ASB3: variants seen among roughly 807,000 people sequenced by gnomAD.
ASB3 encodes ankyrin repeat and SOCS box protein 3.
In ASB3, 41 loss-of-function variants were observed where a neutral mutation model predicts 54.5. That is an observed-to-expected ratio of 0.75 (90% CI 0.59 to 0.98). ASB3 has a LOEUF of 0.98. Among genes scored for constraint, ASB3 ranks in the 50% least tolerant of loss-of-function variants. ASB3 has a pLI of 0.00. For synonymous variants in ASB3, 266 were observed against 221.2 expected (o/e 1.20, Z -1.80); for missense variants, 733 against 620.0 (o/e 1.18, Z -1.94).
chr2:53,687,011 C>A (rs1214933677), intron 9 of ASB3, among the ~76,000 whole-genome samples: 1 of 152,180 alleles, frequency 6.6e-6, no homozygotes, highest in Non-Finnish European at 1.5e-5. Flanking sequence ...TGAGCCATGG[C>A]GCCTGGCCAA....
At chr2:53,779,196 T>C (rs559154207) in intron 1 of ASB3, among the ~76,000 whole-genome samples, 47 of 152,362 alleles carry the variant, frequency 3.1e-4, no homozygotes, top group African/African-American at 1.1e-3. Context: ...TTGAGAAATG[T>C]CTATACAGGT....
intron 5 of ASB3, among the ~76,000 whole-genome samples, chr2:53,724,093 C>T (rs899946482): frequency 6.6e-6 from 1 of 152,076 alleles, no homozygotes; most frequent in Non-Finnish European, 1.5e-5. Context: ...GTAAGTGGGA[C>T]CTAATTAATC....
Position 53,670,322 on chromosome 2 carries a change from G to A in ASB3, c.*181C>T, listed in dbSNP as rs1399656940. The A allele has an allele frequency of 2.7e-5, 8 of 294,226 alleles. No individual in the cohort carries two copies. The highest frequency in any genetic ancestry group is 1.8e-4 in the African/African-American group (7 of 39,274). The allele number at this position is 294,226 out of a possible 1,614,324, so 18.2% of individuals were successfully genotyped here. On this transcript the variant is annotated 3_prime_UTR_variant, in exon 10 of 10. Coordinates refer to ENST00000263634, the MANE Select transcript of ASB3 (RefSeq NM_016115.5). Reference sequence around the variant, plus strand: ...TTTTTTTTTTTTTTTTTTTTTTACTGGGAAGGCTAGTTGTAAACATAAACA... The same window carrying A: ...TTTTTTTTTTTTTTTTTTTTTTACTAGGAAGGCTAGTTGTAAACATAAACA...
At chr2:53,776,134 A>G (rs991577954) in intron 1 of ASB3, among the ~76,000 whole-genome samples, 1 of 152,238 alleles carries the variant, frequency 6.6e-6, no homozygotes. Context: ...ACTAATAATT[A>G]GTACAGAAGT....
At chr2:53,749,086 AC>A (rs1672382112) in intron 3 of ASB3, among the ~76,000 whole-genome samples, 1 of 152,092 alleles carries the variant, frequency 6.6e-6, no homozygotes, top group Admixed American at 6.5e-5. Context: ...TATATAAGGA[AC>A]CCTTTGTACT....
chr2:53,703,335 C>T (rs1323684446), intron 7 of ASB3, among the ~76,000 whole-genome samples: 1 of 152,208 alleles, frequency 6.6e-6, no homozygotes, highest in African/African-American at 2.4e-5. Flanking sequence ...GTGGAGGAGA[C>T]ACCTTTCCAT....
intron 3 of ASB3, among the ~76,000 whole-genome samples, chr2:53,750,147 G>A (rs1453079793): frequency 6.6e-6 from 1 of 151,966 alleles, no homozygotes; most frequent in African/African-American, 2.4e-5. Context: ...TATTCCAAAC[G>A]CTTCATTGAC....
intron 2 of ASB3, 80 bp downstream of exon 2, chr2:53,765,297 A>C (rs1673376571): frequency 6.4e-7 from 1 of 1,558,228 alleles, no homozygotes; most frequent in African/African-American, 1.4e-5. Context: ...TACTACTGTT[A>C]ATAAGTTATG....
Position 53,671,353 on chromosome 2 carries a change from C to CGTGTGTGTGT in ASB3, c.1370-673_1370-664dup, listed in dbSNP as rs142473697. On this transcript the variant is annotated intron_variant, in intron 9 of 9. Coordinates refer to ENST00000263634, the MANE Select transcript of ASB3 (RefSeq NM_016115.5). The stretch of plus-strand genomic sequence containing the variant: ...AACTCAGATCTATCTGAACCCAAAG[C>CGTGTGTGTGT]GTGTGTGTGTGTGTGTGTGTGTGTG... 4.8e-3 allele frequency among the ~76,000 whole-genome samples: 690 copies of CGTGTGTGTGT among 142,582 alleles called. 5 individuals carry two copies. The highest frequency in any genetic ancestry group is 0.014 in the African/African-American group (549 of 38,536). 93.5% of individuals were successfully genotyped at this position (142,582 alleles called of 152,430 possible).
At chr2:53,691,552 C>CA (rs1668910924) in intron 9 of ASB3, among the ~76,000 whole-genome samples, 1 of 152,050 alleles carries the variant, frequency 6.6e-6, no homozygotes, top group East Asian at 1.9e-4. Flanking sequence ...AGAGGTTAAT[C>CA]AAAGAGTTGT....
chr2:53,689,273 G>C (rs997909884), intron 9 of ASB3, among the ~76,000 whole-genome samples: 4 of 152,072 alleles, frequency 2.6e-5, no homozygotes, highest in African/African-American at 9.7e-5. Flanking sequence ...ACCTGCACCA[G>C]AGCATTACCA....
Position 53,740,290 on chromosome 2 carries a change from C to G in ASB3, c.355+10493G>C, listed in dbSNP as rs368372041. 5.3e-5 allele frequency among the ~76,000 whole-genome samples: 8 copies of G among 152,152 alleles called. No homozygotes were observed. The East Asian group carries it at 7.7e-4, about 15-fold the overall frequency. On this transcript the variant is annotated intron_variant, in intron 3 of 9. Transcript: ENST00000263634. ...TATGTAAAACTTTTTTCCCCCACCT[C>G]TTTCATGAACCAAAAAAGGAACATT...
chr2:53,780,673 G>C (rs543390934), intron 1 of ASB3, among the ~76,000 whole-genome samples: 1 of 152,138 alleles, frequency 6.6e-6, no homozygotes, highest in African/African-American at 2.4e-5. Flanking sequence ...AGCCACTCTG[G>C]AGGATAAAGC....
At chr2:53,684,789 G>T (rs1255616040) in intron 9 of ASB3, among the ~76,000 whole-genome samples, 1 of 152,216 alleles carries the variant, frequency 6.6e-6, no homozygotes, top group Non-Finnish European at 1.5e-5. Context: ...TAAGTACCAG[G>T]TGTTAGGAAA....
chr2:53,747,076 A>G (rs1672266593), intron 3 of ASB3, among the ~76,000 whole-genome samples: 1 of 152,194 alleles, frequency 6.6e-6, no homozygotes, highest in Non-Finnish European at 1.5e-5. Flanking sequence ...AAAACTATGC[A>G]TCTCTAATTT....
intron 3 of ASB3, among the ~76,000 whole-genome samples, chr2:53,743,782 C>T (rs1672065921): frequency 6.6e-6 from 1 of 152,226 alleles, no homozygotes; most frequent in African/African-American, 2.4e-5. Context: ...GTGCCTCACT[C>T]CTGTAATCCC....
At chr2:53,676,365 A>G (rs973835444) in intron 9 of ASB3, among the ~76,000 whole-genome samples, 1 of 152,176 alleles carries the variant, frequency 6.6e-6, no homozygotes, top group Non-Finnish European at 1.5e-5. Context: ...AGCAGCCACC[A>G]CTCCTTCAAT....
intron 7 of ASB3, among the ~76,000 whole-genome samples, chr2:53,703,446 C>T (rs1669600063): frequency 6.6e-6 from 1 of 152,070 alleles, no homozygotes; most frequent in Non-Finnish European, 1.5e-5. Flanking sequence ...GTTGAATTAG[C>T]TGAAAAAATA....
At chr2:53,767,844 C>T in intron 1 of ASB3, 1 of 1,572,098 alleles carries the variant, frequency 6.4e-7, no homozygotes, top group Non-Finnish European at 8.6e-7. Flanking sequence ...GGCGCGGCGA[C>T]AGCTAGGGTT....
Sources: allele counts gnomAD v4.1 joint callset (sites outside exome capture counted in the v4.1 genomes callset), GRCh38; gene constraint gnomAD v4.1.1; transcripts MANE v1.5; gene names NCBI Gene and HGNC (gene_info 2026-07-23, HGNC 2026-07-21).